The following SMAP1 variants were observed in gnomAD, a reference collection of about 807,000 sequenced individuals.
SMAP1 encodes stromal membrane-associated protein 1.
SMAP1 carries 24 observed loss-of-function variants against 58.5 expected under a neutral mutation model. The observed-to-expected ratio is 0.41, with a 90% CI of 0.30 to 0.58. The LOEUF is 0.58. SMAP1 is among the 20% of genes least tolerant of loss of function. The pLI, the probability that SMAP1 is intolerant of heterozygous loss-of-function variation, is 0.29. For missense variants in SMAP1, 563 were observed against 566.3 expected, an observed-to-expected ratio of 0.99 and a Z score of 0.06; for synonymous variants, 216 against 196.6, an observed-to-expected ratio of 1.10 and a Z score of -0.82.
intron 1 of SMAP1, among the ~76,000 whole-genome samples, chr6:70,716,524 G>T (rs1335310101): frequency 6.6e-6 from 1 of 152,090 alleles, no homozygotes; most frequent in Non-Finnish European, 1.5e-5. Context: ...CTTGGGGGTT[G>T]GAGGCTCCTG....
At chr6:70,761,016 G>C (rs933915388) in intron 3 of SMAP1, among the ~76,000 whole-genome samples, 6 of 151,954 alleles carry the variant, frequency 3.9e-5, no homozygotes, top group African/African-American at 1.4e-4. Context: ...AAGCTAATCA[G>C]CAGTTCTCCT....
chr6:70,737,362 G>T (rs901929633), intron 2 of SMAP1, among the ~76,000 whole-genome samples: 1 of 152,074 alleles, frequency 6.6e-6, no homozygotes, highest in African/African-American at 2.4e-5. Context: ...GGCCCGGCTG[G>T]TCTCAGCGTC....
At chr6:70,738,557 A>T (rs977969699) in intron 2 of SMAP1, among the ~76,000 whole-genome samples, 6 of 151,932 alleles carry the variant, frequency 3.9e-5, no homozygotes, top group African/African-American at 1.2e-4. Context: ...TTAACTTAGC[A>T]ATACCTATGT....
At chr6:70,710,144 G>A (rs1172644034) in intron 1 of SMAP1, among the ~76,000 whole-genome samples, 2 of 152,052 alleles carry the variant, frequency 1.3e-5, no homozygotes, top group African/African-American at 4.8e-5. Flanking sequence ...AGCACATAGT[G>A]TTTATATATC....
chr6:70,806,871 C>G (rs1317059244), intron 6 of SMAP1, among the ~76,000 whole-genome samples: 1 of 152,172 alleles, frequency 6.6e-6, no homozygotes. Context: ...TAAAGTCTCT[C>G]AGGAGTGACT....
At chr6:70,745,204 T>G in intron 2 of SMAP1, among the ~76,000 whole-genome samples, 1 of 152,216 alleles carries the variant, frequency 6.6e-6, no homozygotes. Context: ...AATTTTGGCT[T>G]TTGTTGCCAT....
At chr6:70,771,608 C>T (rs1398298651) in intron 3 of SMAP1, among the ~76,000 whole-genome samples, 2 of 152,166 alleles carry the variant, frequency 1.3e-5, no homozygotes, top group African/African-American at 2.4e-5. Context: ...GTCGGAAAAG[C>T]GCGGTGTTGG....
intron 9 of SMAP1, chr6:70,857,290 A>G (rs1426418944): frequency 7.0e-6 from 2 of 287,686 alleles, no homozygotes; most frequent in African/African-American, 2.2e-5. Flanking sequence ...CTTATAGAAC[A>G]TGGATTATCT....
chr6:70,684,953 T>C (rs1766873168), intron 1 of SMAP1, among the ~76,000 whole-genome samples: 1 of 152,172 alleles, frequency 6.6e-6, no homozygotes, highest in African/African-American at 2.4e-5. Context: ...ACTCCCTCCT[T>C]CCTTCTTCGT....
intron 1 of SMAP1, among the ~76,000 whole-genome samples, chr6:70,718,685 G>C (rs1768379955): frequency 6.6e-6 from 1 of 151,944 alleles, no homozygotes; most frequent in Admixed American, 6.6e-5. Context: ...GCTGGGCGTG[G>C]TGGCGGGCAC....
chr6:70,721,258 A>T (rs1026923887), intron 1 of SMAP1, among the ~76,000 whole-genome samples: 1 of 152,028 alleles, frequency 6.6e-6, no homozygotes, highest in African/African-American at 2.4e-5. Context: ...CTGCTTAGAA[A>T]TTTTTTCCGC....
intron 10 of SMAP1, chr6:70,859,641 A>T: frequency 4.3e-6 from 1 of 229,910 alleles, no homozygotes; most frequent in Non-Finnish European, 8.5e-6. Context: ...TAAGATGCTT[A>T]TATATATATA....
At chr6:70,785,608 G>A (rs186076300) in intron 4 of SMAP1, among the ~76,000 whole-genome samples, 3,595 of 152,200 alleles carry the variant, frequency 0.024, 52 homozygotes, top group Non-Finnish European at 0.037. Context: ...AATAAAAAAT[G>A]ATAAAGGGGA....
chr6:70,814,971 T>A (rs542739370), intron 6 of SMAP1, among the ~76,000 whole-genome samples: 1 of 152,312 alleles, frequency 6.6e-6, no homozygotes, highest in Admixed American at 6.5e-5. Context: ...AGGCAAAGGA[T>A]GGACAGATAT....
chr6:70,818,893 C>T (rs1769759720), intron 6 of SMAP1, among the ~76,000 whole-genome samples: 1 of 144,910 alleles, frequency 6.9e-6, no homozygotes, highest in African/African-American at 2.5e-5. Flanking sequence ...ATCATGTCAT[C>T]CATGTCACTC....
intron 3 of SMAP1, among the ~76,000 whole-genome samples, chr6:70,771,697 C>T (rs111415401): frequency 0.01 from 1,552 of 152,246 alleles, 12 homozygotes; most frequent in Middle Eastern, 0.044. Flanking sequence ...TGTCCCTTTG[C>T]GCTTCCCGAG....
rs573125718 is a variant in SMAP1, at chr6:70,679,994, A to G, written c.118+11853A>G. Among the ~76,000 whole-genome samples, 21 of 152,330 alleles carry G rather than the reference A, an allele frequency of 1.4e-4. No individual in the cohort carries two copies. In the South Asian group the frequency reaches 3.7e-3, roughly 27 times the overall value. Reference sequence around the variant, plus strand: ...TGCCTTTAACAGTTATTAAAAAGCTATAGTTATCTGTGGAACATAATACGT... The same window carrying G: ...TGCCTTTAACAGTTATTAAAAAGCTGTAGTTATCTGTGGAACATAATACGT... On this transcript the variant is annotated intron_variant, in intron 1 of 10. Transcript: ENST00000370455.
chr6:70,721,020 G>T (rs1171245744), intron 1 of SMAP1, among the ~76,000 whole-genome samples: 1 of 152,162 alleles, frequency 6.6e-6, no homozygotes, highest in Non-Finnish European at 1.5e-5. Context: ...AGAGAGAAAA[G>T]GACTTGTTCT....
chr6:70,707,987 C>T (rs1767904616), intron 1 of SMAP1, among the ~76,000 whole-genome samples: 1 of 152,188 alleles, frequency 6.6e-6, no homozygotes, highest in African/African-American at 2.4e-5. Context: ...CCTACTCTTT[C>T]AGCAAGTTTT....
Sources: allele counts gnomAD v4.1 joint callset (sites outside exome capture counted in the v4.1 genomes callset), GRCh38; gene constraint gnomAD v4.1.1; transcripts MANE v1.5; gene names NCBI Gene and HGNC (gene_info 2026-07-23, HGNC 2026-07-21).